CTNNA1: variants seen among roughly 807,000 people sequenced by gnomAD.
The protein encoded by CTNNA1 is catenin alpha 1.
Under a neutral mutation model 98.4 loss-of-function variants are expected in CTNNA1, and 37 were observed. The observed-to-expected ratio is 0.38, with a 90% CI of 0.29 to 0.49. The LOEUF (loss-of-function observed/expected upper bound fraction) is 0.49. Ranked by LOEUF, CTNNA1 falls within the 20% of genes least tolerant of loss-of-function variation. The pLI is 0.95. For missense variants in CTNNA1, 761 were observed against 1,147.2 expected (o/e 0.66, Z 4.86); for synonymous variants, 404 against 413.2 (o/e 0.98, Z 0.27).
At position 138,934,082 on chromosome 5, in the gene CTNNA1, G is replaced by A. The variant is rs756360361; in HGVS notation, c.2714G>A (p.Ser905Asn). The A allele has an allele frequency of 6.3e-5, 101 of 1,611,278 alleles. No homozygotes were observed. The Admixed American group carries it at 1.7e-3, about 26-fold the overall frequency. The part of the protein sequence containing the change: ...QALSEFKAMD[S>N]I ...CTCAGCGAGTTCAAAGCTATGGACA[G>A]CATCTAAGTCTGCCCAGGCCGGCCG... Residue 905 changes from serine (S) to asparagine (N), a missense_variant, in exon 18 of 18, where the codon AGC (serine) becomes AAC (asparagine). By Grantham distance (46) the Ser-to-Asn change is conservative (BLOSUM62 1). Transcript: ENST00000302763.
intron 7 of CTNNA1, among the ~76,000 whole-genome samples, chr5:138,886,008 A>T (rs1281506529): frequency 2.0e-5 from 3 of 152,176 alleles, no homozygotes; most frequent in African/African-American, 7.2e-5. Context: ...TCCAGTCATC[A>T]GATAATGTGG....
At chr5:138,809,019 C>T (rs890330879) in intron 3 of CTNNA1, among the ~76,000 whole-genome samples, 1 of 152,092 alleles carries the variant, frequency 6.6e-6, no homozygotes, top group Non-Finnish European at 1.5e-5. Context: ...GGGTCTTGTT[C>T]TATCACCCAC....
intron 3 of CTNNA1, among the ~76,000 whole-genome samples, chr5:138,787,035 T>A (rs541052143): frequency 6.6e-6 from 1 of 152,354 alleles, no homozygotes; most frequent in African/African-American, 2.4e-5. Context: ...AAAGGATTTT[T>A]AAGATGTCTT....
intron 1 of CTNNA1, among the ~76,000 whole-genome samples, chr5:138,759,679 T>C (rs1167110990): frequency 2.0e-5 from 3 of 152,188 alleles, no homozygotes; most frequent in African/African-American, 2.4e-5. Context: ...AGGGTCCTTA[T>C]TACCCATCCT....
intron 10 of CTNNA1, among the ~76,000 whole-genome samples, chr5:138,908,796 C>A (rs879621492): frequency 3.0e-4 from 45 of 152,096 alleles, no homozygotes; most frequent in African/African-American, 1.0e-3. Context: ...TCGGCTCTCT[C>A]TCTGCATTGC....
chr5:138,828,619 G>GT (rs1206707408), intron 7 of CTNNA1, among the ~76,000 whole-genome samples: 1 of 152,016 alleles, frequency 6.6e-6, no homozygotes, highest in Non-Finnish European at 1.5e-5. Context: ...CATCACTAGC[G>GT]TTTTTTACCT....
At chr5:138,758,052 G>T (rs1464211155) in intron 1 of CTNNA1, among the ~76,000 whole-genome samples, 3 of 151,844 alleles carry the variant, frequency 2.0e-5, no homozygotes, top group Non-Finnish European at 4.4e-5. Flanking sequence ...TGTTGCCCAG[G>T]CTGGAGTGCA....
chr5:138,815,053 G>A (rs1759287019), intron 5 of CTNNA1, among the ~76,000 whole-genome samples: 1 of 152,090 alleles, frequency 6.6e-6, no homozygotes, highest in Non-Finnish European at 1.5e-5. Context: ...CACTCTGTCT[G>A]GAATTTTGTA....
chr5:138,866,432 C>G (rs1316375855), intron 7 of CTNNA1, among the ~76,000 whole-genome samples: 1 of 151,968 alleles, frequency 6.6e-6, no homozygotes, highest in Non-Finnish European at 1.5e-5. Context: ...TACACCTCTT[C>G]TGTGTGGTTT....
At chr5:138,810,610 A>G (rs1319995618) in intron 4 of CTNNA1, among the ~76,000 whole-genome samples, 2 of 152,222 alleles carry the variant, frequency 1.3e-5, no homozygotes, top group African/African-American at 4.8e-5. Context: ...GGTTGGGGGT[A>G]AGGTCACAGA....
At chr5:138,825,253 A>G (rs1310166338) in intron 6 of CTNNA1, among the ~76,000 whole-genome samples, 1 of 152,158 alleles carries the variant, frequency 6.6e-6, no homozygotes. Flanking sequence ...CTGCCTAGAT[A>G]TACTTCTTTT....
chr5:138,819,136 A>G (rs944855090), intron 5 of CTNNA1, among the ~76,000 whole-genome samples: 3 of 152,044 alleles, frequency 2.0e-5, no homozygotes, highest in African/African-American at 7.2e-5. Flanking sequence ...ACAATTTGGG[A>G]ACCTGAGCCA....
At chr5:138,879,920 C>T (rs1162279847) in intron 7 of CTNNA1, among the ~76,000 whole-genome samples, 9 of 152,104 alleles carry the variant, frequency 5.9e-5, no homozygotes, top group African/African-American at 7.2e-5. Context: ...ATGTGCACTC[C>T]GGCAGTTGTT....
intron 3 of CTNNA1, among the ~76,000 whole-genome samples, chr5:138,796,849 CTT>C (rs1242604969): frequency 6.6e-6 from 1 of 152,162 alleles, no homozygotes; most frequent in East Asian, 1.9e-4. Flanking sequence ...TCTCTTTTCT[CTT>C]TTGGATTTGG....
chr5:138,878,432 CAT>C (rs1752145456), intron 7 of CTNNA1, among the ~76,000 whole-genome samples: 1 of 152,226 alleles, frequency 6.6e-6, no homozygotes, highest in South Asian at 2.1e-4. Flanking sequence ...TTTCCGCAAA[CAT>C]ATGACTTTGA....
chr5:138,923,578 G>A (rs1264140463), intron 11 of CTNNA1, among the ~76,000 whole-genome samples: 1 of 152,134 alleles, frequency 6.6e-6, no homozygotes, highest in Non-Finnish European at 1.5e-5. Flanking sequence ...AGGCTGGAAT[G>A]CAGTGGCGCG....
chr5:138,782,604 T>TTA (rs1407794459), intron 2 of CTNNA1, among the ~76,000 whole-genome samples: 1 of 152,220 alleles, frequency 6.6e-6, no homozygotes, highest in Non-Finnish European at 1.5e-5. Context: ...TTCATCATCT[T>TTA]TAACCTAGAG....
At chr5:138,827,929 A>G in intron 7 of CTNNA1, 1 of 576,750 alleles carries the variant, frequency 1.7e-6, no homozygotes, top group South Asian at 2.1e-5. Context: ...ACTTATAAAA[A>G]TCATACAGTG....
chr5:138,930,999 G>A lies in CTNNA1; in HGVS notation c.2298+64G>A, dbSNP rs988845672. ...CCTGGGGCTCAGGCAGCCCAGCCTG[G>A]TCCATTCAGGGTAAGTTTCATGGGC... On this transcript the variant is annotated intron_variant, in intron 16 of 17. Transcript: ENST00000302763. 3 of 1,045,832 alleles carry A rather than the reference G, an allele frequency of 2.9e-6. No individual in the cohort carries two copies. In the East Asian group the frequency reaches 7.1e-5, roughly 25 times the overall value. 64.8% of individuals were successfully genotyped at this position (1,045,832 alleles called of 1,614,324 possible). A position where few individuals can be genotyped will look rare whatever the true frequency, so the allele number is the denominator to read the frequency against.
Sources: allele counts gnomAD v4.1 joint callset (sites outside exome capture counted in the v4.1 genomes callset), GRCh38; gene constraint gnomAD v4.1.1; transcripts MANE v1.5; gene names NCBI Gene and HGNC (gene_info 2026-07-23, HGNC 2026-07-21).